The following AGAP1 variants were observed in gnomAD, a reference collection of about 807,000 sequenced individuals.
AGAP1 encodes the protein arf-GAP with GTPase, ANK repeat and PH domain-containing protein 1.
AGAP1 carries 29 observed loss-of-function variants against 105.3 expected under a neutral mutation model. The observed-to-expected ratio is 0.28, with a 90% CI of 0.21 to 0.38. The LOEUF (loss-of-function observed/expected upper bound fraction) is 0.38. Among genes scored for constraint, AGAP1 ranks in the 10% least tolerant of loss-of-function variants. AGAP1 has a pLI of 1.00. For missense variants in AGAP1, 998 were observed against 1,165.1 expected, an observed-to-expected ratio of 0.86 and a Z score of 2.09; for synonymous variants, 509 against 485.9, an observed-to-expected ratio of 1.05 and a Z score of -0.63.
At chr2:235,745,999 G>T (rs1952898949) in intron 5 of AGAP1, among the ~76,000 whole-genome samples, 1 of 152,204 alleles carries the variant, frequency 6.6e-6, no homozygotes, top group Non-Finnish European at 1.5e-5. Flanking sequence ...GGTGGTGCAT[G>T]CCTGTAATAC....
chr2:235,632,935 G>A (rs543137196), intron 1 of AGAP1, among the ~76,000 whole-genome samples: 7 of 152,220 alleles, frequency 4.6e-5, no homozygotes, highest in African/African-American at 1.2e-4. Context: ...AAAGGAAGAC[G>A]ACCTCTTGCA....
chr2:235,606,279 T>C (rs1945934594), intron 1 of AGAP1, among the ~76,000 whole-genome samples: 3 of 152,200 alleles, frequency 2.0e-5, no homozygotes, highest in Admixed American at 2.0e-4. Flanking sequence ...AGAAAGGCCT[T>C]CTGTTCTCCA....
intron 16 of AGAP1, among the ~76,000 whole-genome samples, chr2:236,077,888 G>A (rs1278935953): frequency 6.6e-6 from 1 of 152,186 alleles, no homozygotes; most frequent in African/African-American, 2.4e-5. Context: ...CAGAAGGGTG[G>A]TGCCCTCTGT....
At position 236,014,795 on chromosome 2, in the gene AGAP1, C is replaced by G; in HGVS notation, c.1646-21766C>G. 2.2e-6 allele frequency: 1 copy of G among 446,786 alleles called. No individual in the cohort carries two copies. Among genetic ancestry groups the G allele is most frequent in the South Asian group, 1.7e-5 (1 of 60,432 alleles). 27.7% of individuals were successfully genotyped at this position (446,786 alleles called of 1,614,324 possible). A position where few individuals can be genotyped will look rare whatever the true frequency, so the allele number is the denominator to read the frequency against. ...TTTTCCCCTCTCCCCTTTCTGCTCT[C>G]GGGATGCAGCCAAACGCAAAGCATG... On this transcript the variant is annotated intron_variant, in intron 13 of 17. Transcript: ENST00000304032. This position sits in a 1 kb window ranked among gnomAD's most constrained non-coding sequence, Gnocchi z 6.3.
rs187602787 is a variant in AGAP1, at chr2:235,836,017, G to A, written c.1050+28686G>A. Among the ~76,000 whole-genome samples the A allele has an allele frequency of 4.6e-5, 7 of 152,256 alleles. No individual in the cohort carries two copies. In the South Asian group the frequency reaches 6.2e-4, roughly 14 times the overall value. ...TAAGCATTGTTTACAGAACCTGTTC[G>A]CCTGCTGAAACTCTAACAGCATCTG... On this transcript the variant is annotated intron_variant, in intron 9 of 17. Coordinates refer to ENST00000304032, the MANE Select transcript of AGAP1 (RefSeq NM_001037131.3).
chr2:235,589,701 A>ATAGG (rs1945265817), intron 1 of AGAP1, among the ~76,000 whole-genome samples: 1 of 152,088 alleles, frequency 6.6e-6, no homozygotes, highest in Admixed American at 6.6e-5. Flanking sequence ...AGATAGATAG[A>ATAGG]TAGATAGAGA....
At chr2:235,563,808 T>C (rs1944248953) in intron 1 of AGAP1, among the ~76,000 whole-genome samples, 1 of 152,206 alleles carries the variant, frequency 6.6e-6, no homozygotes, top group Non-Finnish European at 1.5e-5. Flanking sequence ...GGCTGCTGAA[T>C]TGGACTGTTT....
chr2:236,085,581 A>G lies in AGAP1; in HGVS notation c.2115-34611A>G, dbSNP rs1394339804. Among the ~76,000 whole-genome samples the G allele has an allele frequency of 2.0e-5, 3 of 152,232 alleles. No homozygotes were observed. In the East Asian group the frequency reaches 5.8e-4, roughly 29 times the overall value. ...AGCCCATGGATCCCAGAGGCCCAGC[A>G]TGCTCAGGGCTCCTTCTTTTTTCTC... On this transcript the variant is annotated intron_variant, in intron 16 of 17. Transcript: ENST00000304032.
In AGAP1 at chr2:235,883,503, G is replaced by T. The variant is rs917591698; in HGVS notation, c.1155+54G>T. 6.9e-7 allele frequency: 1 copy of T among 1,449,652 alleles called. No individual in the cohort carries two copies. The highest frequency in any genetic ancestry group is 9.6e-7 in the Non-Finnish European group (1 of 1,042,752). 89.8% of individuals were successfully genotyped at this position (1,449,652 alleles called of 1,614,324 possible). A position where few individuals can be genotyped will look rare whatever the true frequency, so the allele number is the denominator to read the frequency against. On this transcript the variant is annotated intron_variant, in intron 10 of 17. Transcript: ENST00000304032. The surrounding 1 kb of genome is among the most constrained non-coding windows in gnomAD (Gnocchi z 4.5). ...CAGCTGCAGACCTCAACTAAACACT[G>T]TGGGGAAGGGGAACCTACCAGCAGC...
rs146212763 is a variant in AGAP1, at chr2:235,682,130, C to T, written c.164-27049C>T. Among the ~76,000 whole-genome samples the T allele has an allele frequency of 4.3e-3, 649 of 152,078 alleles. 4 individuals are homozygous for T. Among genetic ancestry groups the T allele is most frequent in the African/African-American group, 0.013 (557 of 41,518 alleles). On this transcript the variant is annotated intron_variant, in intron 1 of 17. Coordinates refer to ENST00000304032, the MANE Select transcript of AGAP1 (RefSeq NM_001037131.3). ...CCTCCCAAAGTGCTGGGATTACAGG[C>T]GTGAGCCACCGTGCTTGGCCTCGGT...
rs116338906 is a variant in AGAP1, at chr2:235,667,618, C to T, written c.164-41561C>T. 4.8e-3 allele frequency among the ~76,000 whole-genome samples: 736 copies of T among 152,162 alleles called. 6 individuals carry two copies. The highest frequency in any genetic ancestry group is 7.0e-3 in the Non-Finnish European group (476 of 67,984). ...TTCTGAACCATTCTGACAGATGAATCCCGCCTGGCTGCTACTCTAGAAGTT... is the reference window on the plus strand; with the variant it reads ...TTCTGAACCATTCTGACAGATGAATTCCGCCTGGCTGCTACTCTAGAAGTT... On this transcript the variant is annotated intron_variant, in intron 1 of 17. Coordinates refer to ENST00000304032, the MANE Select transcript of AGAP1 (RefSeq NM_001037131.3).
chr2:236,126,044 ATTAAAG>A lies in AGAP1; in HGVS notation c.*1924_*1929del. On this transcript the variant is annotated 3_prime_UTR_variant, in exon 18 of 18. Coordinates refer to ENST00000304032, the MANE Select transcript of AGAP1 (RefSeq NM_001037131.3). ...CCTCTTATTTCACTTTTTAAAAAAA[ATTAAAG>A]TAGGTGGGGAAAAAAATAAAGCTTT... 6.6e-6 allele frequency: 1 copy of A among 152,064 alleles called. No individual in the cohort carries two copies. The allele number at this position is 152,064 out of a possible 1,614,324, so 9.4% of individuals were successfully genotyped here.
Position 235,750,455 on chromosome 2 carries a change from T to TA in AGAP1, c.641dup (p.Tyr214Ter). The change falls in exon 6 of 18, where the codon TAC (tyrosine) becomes TAAC (stop). Residue 214 changes from tyrosine (Y) to a stop codon, truncating the protein, a stop_gained and frameshift_variant. Transcript: ENST00000304032. LOFTEE classifies it high-confidence loss of function. This position sits in a 1 kb window ranked among gnomAD's most constrained non-coding sequence, Gnocchi z 5.3. ...RCTYYETCAT[Y>*]GLNVERVFQD... ...CACGTACTACGAGACGTGTGCTACATACGGGCTGAATGTGGAGAGGGTCTT... is the reference window on the plus strand; with the variant it reads ...CACGTACTACGAGACGTGTGCTACATAACGGGCTGAATGTGGAGAGGGTCTT... 2 of 1,614,226 alleles carry TA rather than the reference T, an allele frequency of 1.2e-6. No individual in the cohort carries two copies. The highest frequency in any genetic ancestry group is 1.7e-6 in the Non-Finnish European group (2 of 1,180,028).
chr2:235,574,862 C>T lies in AGAP1; in HGVS notation c.163+80013C>T, dbSNP rs571126940. Among the ~76,000 whole-genome samples, 372 of 152,268 alleles carry T rather than the reference C, an allele frequency of 2.4e-3. 1 individual carries two copies. The highest frequency in any genetic ancestry group is 0.017 in the Middle Eastern group (5 of 294). ...TTGAGGCTGGGCGCAGTGGAGCACG[C>T]GTGTAATTCTAGCACTTAGGGAGGC... On this transcript the variant is annotated intron_variant, in intron 1 of 17. Transcript: ENST00000304032. This position sits in a 1 kb window ranked among gnomAD's most constrained non-coding sequence, Gnocchi z 5.0.
At chr2:235,542,613 GATAC>G (rs1559236107) in intron 1 of AGAP1, among the ~76,000 whole-genome samples, 1 of 151,044 alleles carries the variant, frequency 6.6e-6, no homozygotes, top group Non-Finnish European at 1.5e-5. Flanking sequence ...TTAACAAAAT[GATAC>G]ATATTTTACA....
intron 1 of AGAP1, among the ~76,000 whole-genome samples, chr2:235,563,657 C>T (rs1944242937): frequency 6.6e-6 from 1 of 152,030 alleles, no homozygotes; most frequent in Non-Finnish European, 1.5e-5. Flanking sequence ...GTGATTTTGG[C>T]TGTCTGGGTA....
intron 1 of AGAP1, among the ~76,000 whole-genome samples, chr2:235,630,482 A>G (rs919220102): frequency 1.6e-4 from 24 of 152,164 alleles, no homozygotes; most frequent in African/African-American, 5.8e-4. Flanking sequence ...AAGTGCTGGG[A>G]TTACAGGCGT....
chr2:235,829,666 C>G (rs1272997322), intron 9 of AGAP1, among the ~76,000 whole-genome samples: 2 of 152,182 alleles, frequency 1.3e-5, no homozygotes, highest in Non-Finnish European at 2.9e-5. Context: ...TTTTTGGACT[C>G]TCTGTATTTC....
Position 235,986,744 on chromosome 2 carries a change from C to T in AGAP1, c.1645+18121C>T, listed in dbSNP as rs374726596. On this transcript the variant is annotated intron_variant, in intron 13 of 17. Coordinates refer to ENST00000304032, the MANE Select transcript of AGAP1 (RefSeq NM_001037131.3). ...ATTGATATAATGATGTGGTTTTTAT[C>T]TTTGGTTCTGTTTATGTGATGATTT... 4.6e-5 allele frequency among the ~76,000 whole-genome samples: 7 copies of T among 152,214 alleles called. No homozygotes were observed. The South Asian group carries it at 1.5e-3, about 32-fold the overall frequency.
Sources: allele counts gnomAD v4.1 joint callset (sites outside exome capture counted in the v4.1 genomes callset), GRCh38; gene constraint gnomAD v4.1.1; non-coding constraint Gnocchi (gnomAD v3.1); transcripts MANE v1.5; gene names NCBI Gene and HGNC (gene_info 2026-07-23, HGNC 2026-07-21).